The following ATP6V0A4 variants were observed in gnomAD, a reference collection of about 807,000 sequenced individuals.
ATP6V0A4 encodes ATPase H+ transporting V0 subunit a4.
ATP6V0A4 carries 86 observed loss-of-function variants against 107.3 expected under a neutral mutation model. That is an observed-to-expected ratio of 0.80 (90% CI 0.67 to 0.96). ATP6V0A4 has a LOEUF of 0.96. Among genes scored for constraint, ATP6V0A4 ranks in the 40% least tolerant of loss-of-function variants. ATP6V0A4 has a pLI of 0.00. For missense variants in ATP6V0A4, 908 were observed against 1,045.6 expected (o/e 0.87, Z 1.81); for synonymous variants, 353 against 381.4 (o/e 0.93, Z 0.87).
chr7:138,765,249 C>T (rs1221714529), intron 5 of ATP6V0A4, among the ~76,000 whole-genome samples: 3 of 152,148 alleles, frequency 2.0e-5, no homozygotes, highest in Non-Finnish European at 4.4e-5. Flanking sequence ...AGCTTCAGTT[C>T]CACTCCATTA....
Position 138,762,962 on chromosome 7 carries a change from G to A in ATP6V0A4, c.355C>T (p.Gln119Ter). The change falls in exon 6 of 22, where the codon CAA becomes TAA. Residue 119 changes from glutamine to a stop codon, truncating the protein, a stop_gained. Transcript: ENST00000310018. LOFTEE classifies it high-confidence loss of function. ...EANQNQQALKQSFLELTELKY... is the reference protein window; with the variant it reads ...EANQNQQALK ...AGTTCTGTCAGTTCTAGGAAGCTTT[G>A]TTTCAAGGCCTGCTGGTTCTGGTTG... is the stretch of plus-strand genomic sequence containing the variant. 3 of 1,614,108 alleles carry A rather than the reference G, an allele frequency of 1.9e-6. No homozygotes were observed. Among genetic ancestry groups the A allele is most frequent in the South Asian group, 1.1e-5 (1 of 91,086 alleles).
Position 138,717,534 on chromosome 7 carries a change from ACT to A in ATP6V0A4, c.2140-1655_2140-1654del, listed in dbSNP as rs72356231. Among the ~76,000 whole-genome samples, 941 of 150,710 alleles carry A rather than the reference ACT, an allele frequency of 6.2e-3. 12 individuals are homozygous for A. The highest frequency in any genetic ancestry group is 0.022 in the African/African-American group (898 of 40,886). ...CACTCCAGCCTGGCAACAGAGTGAGACTCTGTCTAAAAAAAGAAAAAGAAAAA... is the reference window on the plus strand; with the variant it reads ...CACTCCAGCCTGGCAACAGAGTGAGACTGTCTAAAAAAAGAAAAAGAAAAA... On this transcript the variant is annotated intron_variant, in intron 19 of 21. Coordinates refer to ENST00000310018, the MANE Select transcript of ATP6V0A4 (RefSeq NM_020632.3).
chr7:138,759,130 G>A (rs1345617860), intron 8 of ATP6V0A4, among the ~76,000 whole-genome samples: 1 of 135,044 alleles, frequency 7.4e-6, no homozygotes, highest in Non-Finnish European at 1.5e-5. Context: ...TGTGATCATA[G>A]CTCACTGCAG....
intron 10 of ATP6V0A4, among the ~76,000 whole-genome samples, chr7:138,753,789 T>G (rs1222810706): frequency 6.6e-6 from 1 of 152,150 alleles, no homozygotes; most frequent in Non-Finnish European, 1.5e-5. Flanking sequence ...TAATGCCCCC[T>G]GGCCTGGGGA....
At chr7:138,795,319 G>A (rs1584958406) in intron 1 of ATP6V0A4, among the ~76,000 whole-genome samples, 1 of 152,224 alleles carries the variant, frequency 6.6e-6, no homozygotes, top group East Asian at 1.9e-4. Flanking sequence ...AAATAGGGAG[G>A]GAGGGCCAAC....
intron 21 of ATP6V0A4, among the ~76,000 whole-genome samples, chr7:138,708,481 T>C (rs1205655887): frequency 1.3e-5 from 2 of 152,126 alleles, no homozygotes; most frequent in Non-Finnish European, 2.9e-5. Flanking sequence ...TCTTTATGAA[T>C]AGTGGCCATA....
At chr7:138,732,114 A>T (rs1054879593) in intron 17 of ATP6V0A4, among the ~76,000 whole-genome samples, 4 of 152,114 alleles carry the variant, frequency 2.6e-5, no homozygotes, top group Admixed American at 2.0e-4. Flanking sequence ...CTTTTCCAGA[A>T]ACTGTCTGCC....
intron 5 of ATP6V0A4, among the ~76,000 whole-genome samples, chr7:138,767,592 A>G (rs771665011): frequency 2.0e-5 from 3 of 151,936 alleles, no homozygotes; most frequent in Non-Finnish European, 4.4e-5. Context: ...TGTGAGTATC[A>G]AGATTTATAC....
chr7:138,716,018 ATAGACT>A (rs1359483185), intron 19 of ATP6V0A4, 137 bp from the exon 20 acceptor site: 12 of 1,203,022 alleles, frequency 1.0e-5, no homozygotes, highest in African/African-American at 6.1e-5. Context: ...AGAAATAGTA[ATAGACT>A]TAGAGAAAGA....
At chr7:138,785,286 T>G (rs1808128127) in intron 2 of ATP6V0A4, among the ~76,000 whole-genome samples, 1 of 151,266 alleles carries the variant, frequency 6.6e-6, no homozygotes, top group Non-Finnish European at 1.5e-5. Context: ...TTCTTTTTTT[T>G]TTTTTTTTGA....
chr7:138,739,665 A>G (rs1461300502), intron 14 of ATP6V0A4, 32 bp from the exon 15 acceptor site: 1 of 1,612,978 alleles, frequency 6.2e-7, no homozygotes, highest in East Asian at 2.2e-5. Flanking sequence ...AAAACAAACA[A>G]TGATCAACCG....
chr7:138,763,646 CA>C (rs1806940901), intron 5 of ATP6V0A4, among the ~76,000 whole-genome samples: 1 of 151,478 alleles, frequency 6.6e-6, no homozygotes, highest in Non-Finnish European at 1.5e-5. Context: ...AAATAAATAA[CA>C]ATAAAAATAA....
intron 2 of ATP6V0A4, among the ~76,000 whole-genome samples, chr7:138,782,752 G>A (rs527710311): frequency 6.6e-6 from 1 of 152,278 alleles, no homozygotes; most frequent in East Asian, 1.9e-4. Context: ...GGGACTCAGA[G>A]AAAGTCAGTG....
Position 138,762,271 on chromosome 7 carries a change from G to A in ATP6V0A4, c.512+69C>T, listed in dbSNP as rs187483771. 3.0e-4 allele frequency: 464 copies of A among 1,556,994 alleles called. 1 individual carries two copies. In the African/African-American group the frequency reaches 4.3e-3, roughly 14 times the overall value. On this transcript the variant is annotated intron_variant, in intron 7 of 21. Coordinates refer to ENST00000310018, the MANE Select transcript of ATP6V0A4 (RefSeq NM_020632.3). Reference sequence around the variant, plus strand: ...CATTCCAATGGCTATTTGTTCACCCGTTCATTCACTCACTCAGAAATCACT... The same window carrying A: ...CATTCCAATGGCTATTTGTTCACCCATTCATTCACTCACTCAGAAATCACT...
intron 1 of ATP6V0A4, among the ~76,000 whole-genome samples, chr7:138,792,596 T>G (rs1268108868): frequency 6.6e-6 from 1 of 151,826 alleles, no homozygotes; most frequent in Admixed American, 6.6e-5. Context: ...ATAGATTGAT[T>G]TGTTTGTTTT....
intron 3 of ATP6V0A4, among the ~76,000 whole-genome samples, chr7:138,769,998 C>T (rs1427937156): frequency 6.6e-6 from 1 of 152,086 alleles, no homozygotes; most frequent in Non-Finnish European, 1.5e-5. Context: ...CTACAATGAG[C>T]CGTGATTGTG....
intron 19 of ATP6V0A4, among the ~76,000 whole-genome samples, chr7:138,719,593 C>T (rs546341310): frequency 4.6e-5 from 7 of 152,340 alleles, no homozygotes; most frequent in African/African-American, 7.2e-5. Context: ...GCTGGCGATT[C>T]TCTGCACATC....
At chr7:138,771,478 T>G (rs1055807967) in intron 2 of ATP6V0A4, among the ~76,000 whole-genome samples, 2 of 150,958 alleles carry the variant, frequency 1.3e-5, no homozygotes, top group South Asian at 4.2e-4. Flanking sequence ...TCTGGCTTAC[T>G]GCAGCCTCAA....
intron 1 of ATP6V0A4, among the ~76,000 whole-genome samples, chr7:138,789,361 C>T (rs1312823654): frequency 1.3e-5 from 2 of 151,964 alleles, no homozygotes; most frequent in East Asian, 3.9e-4. Context: ...AATTCTTCTG[C>T]CTCACCCTCC....
Sources: allele counts gnomAD v4.1 joint callset (sites outside exome capture counted in the v4.1 genomes callset), GRCh38; gene constraint gnomAD v4.1.1; transcripts MANE v1.5; gene names NCBI Gene and HGNC (gene_info 2026-07-23, HGNC 2026-07-21).